The following PAMR1 variants were observed in gnomAD, a reference collection of about 807,000 sequenced individuals.
PAMR1 encodes peptidase domain containing associated with muscle regeneration 1.
Under a neutral mutation model 81.8 loss-of-function variants are expected in PAMR1, and 88 were observed. The ratio of observed to expected loss-of-function variants is 1.08; its 90% CI spans 0.91 to 1.28. The LOEUF (loss-of-function observed/expected upper bound fraction) is 1.28. Ranked by LOEUF, PAMR1 falls within the 50% of genes most tolerant of loss-of-function variation. The pLI, the probability that PAMR1 is intolerant of heterozygous loss-of-function variation, is 0.00. For missense variants in PAMR1, 935 were observed against 919.7 expected (o/e 1.02, Z -0.21); for synonymous variants, 336 against 345.3 (o/e 0.97, Z 0.30).
chr11:35,450,456 G>C (rs1856391223), intron 6 of PAMR1, among the ~76,000 whole-genome samples: 1 of 152,110 alleles, frequency 6.6e-6, no homozygotes, highest in Non-Finnish European at 1.5e-5. Context: ...AAGGGTAATG[G>C]GTTTCTTAAT....
At chr11:35,474,533 A>T in intron 4 of PAMR1, 97 bp downstream of exon 4, 2 of 681,510 alleles carry the variant, frequency 2.9e-6, no homozygotes, top group Non-Finnish European at 5.0e-6. Context: ...GCTCCAATAT[A>T]CAAAGGCTCC....
chr11:35,499,763 A>G (rs2256404), intron 1 of PAMR1, among the ~76,000 whole-genome samples: 111,123 of 152,172 alleles, frequency 0.73, 41,903 homozygotes, highest in East Asian at 0.98. Flanking sequence ...TTACTTCATT[A>G]TTATTTACTT....
intron 6 of PAMR1, among the ~76,000 whole-genome samples, chr11:35,460,400 T>C (rs963115549): frequency 6.6e-6 from 1 of 152,070 alleles, no homozygotes; most frequent in Admixed American, 6.6e-5. Context: ...TATGTATACA[T>C]GTGCCATGTT....
At chr11:35,467,907 A>T in intron 6 of PAMR1, 94 bp downstream of exon 6, 1 of 719,702 alleles carries the variant, frequency 1.4e-6, no homozygotes, top group Non-Finnish European at 2.4e-6. Flanking sequence ...AGAGCATCCT[A>T]GACATGAAGA....
chr11:35,468,697 C>G (rs1180869887), intron 5 of PAMR1, among the ~76,000 whole-genome samples: 1 of 152,186 alleles, frequency 6.6e-6, no homozygotes, highest in Non-Finnish European at 1.5e-5. Context: ...TACTGCAGAA[C>G]TTCTCAGTTC....
At chr11:35,440,557 C>G (rs985864878) in intron 7 of PAMR1, among the ~76,000 whole-genome samples, 5 of 152,144 alleles carry the variant, frequency 3.3e-5, no homozygotes, top group African/African-American at 4.8e-5. Flanking sequence ...TAATCTAGGA[C>G]AAGGACATGT....
intron 1 of PAMR1, among the ~76,000 whole-genome samples, chr11:35,504,498 A>T (rs919715995): frequency 1.3e-5 from 2 of 152,118 alleles, no homozygotes; most frequent in African/African-American, 4.8e-5. Flanking sequence ...CAGTGAAGCC[A>T]TCAGATGGTC....
At position 35,494,214 on chromosome 11, in the gene PAMR1, C is replaced by T. The variant is rs1305154714; in HGVS notation, c.132G>A (p.Glu44=). The T allele has an allele frequency of 3.1e-6, 5 of 1,614,044 alleles. No homozygotes were observed. Among genetic ancestry groups the T allele is most frequent in the East Asian group, 4.5e-5 (2 of 44,906 alleles). ...ACTCAATCTGATCATATTCACAGCACTCCCGACACATGATATTCCACTCTG... is the reference window on the plus strand; with the variant it reads ...ACTCAATCTGATCATATTCACAGCATTCCCGACACATGATATTCCACTCTG... ...PGAEWNIMCR[E]CCEYDQIECV... The change falls in exon 2 of 11, where the codon GAG becomes GAA. Residue 44 remains glutamate, a synonymous_variant. Coordinates refer to ENST00000619888, the MANE Select transcript of PAMR1 (RefSeq NM_001001991.3).
At chr11:35,503,122 C>G (rs1020980505) in intron 1 of PAMR1, among the ~76,000 whole-genome samples, 1 of 151,994 alleles carries the variant, frequency 6.6e-6, no homozygotes. Context: ...GTTCTTGGTA[C>G]CTTTGTCAAA....
At chr11:35,449,986 A>G (rs982877102) in intron 6 of PAMR1, among the ~76,000 whole-genome samples, 2 of 150,628 alleles carry the variant, frequency 1.3e-5, no homozygotes, top group Non-Finnish European at 3.0e-5. Flanking sequence ...TTCACTTGCC[A>G]TTTTCATTTT....
At chr11:35,452,013 G>A (rs879776909) in intron 6 of PAMR1, 6 of 528,066 alleles carry the variant, frequency 1.1e-5, no homozygotes, top group Non-Finnish European at 1.7e-5. Context: ...AACTGACTAA[G>A]ACAGAAGGCA....
intron 3 of PAMR1, among the ~76,000 whole-genome samples, chr11:35,479,627 C>T (rs1020599545): frequency 9.2e-5 from 14 of 152,170 alleles, no homozygotes; most frequent in Admixed American, 7.2e-4. Flanking sequence ...GGCTAGAACC[C>T]TAAACCCAAC....
At chr11:35,527,131 C>T (rs146067837), upstream of PAMR1, among the ~76,000 whole-genome samples, 57 of 152,286 alleles carry the variant, frequency 3.7e-4, 1 homozygote, top group Middle Eastern at 6.8e-3. Flanking sequence ...AATTTCTGAA[C>T]TCCAGCCCTG....
chr11:35,509,143 G>A (rs7106280), intron 1 of PAMR1, among the ~76,000 whole-genome samples: 45 of 152,194 alleles, frequency 3.0e-4, no homozygotes, highest in African/African-American at 9.2e-4. Flanking sequence ...TTGTAACTTT[G>A]TTCCTTCCCC....
intron 1 of PAMR1, among the ~76,000 whole-genome samples, chr11:35,508,200 A>T (rs1851007488): frequency 1.3e-5 from 2 of 152,194 alleles, no homozygotes. Flanking sequence ...AGAACCCAAG[A>T]TGGTGGGGAA....
At chr11:35,443,168 A>C (rs935422142) in intron 6 of PAMR1, among the ~76,000 whole-genome samples, 1 of 148,822 alleles carries the variant, frequency 6.7e-6, no homozygotes, top group Admixed American at 6.9e-5. Context: ...GTCTCTGTGC[A>C]ATGCAACTGT....
chr11:35,438,886 G>A (rs1856105578), intron 8 of PAMR1, among the ~76,000 whole-genome samples: 1 of 152,120 alleles, frequency 6.6e-6, no homozygotes, highest in African/African-American at 2.4e-5. Context: ...TCTCTGTTAG[G>A]CAAAAACTGA....
intron 1 of PAMR1, among the ~76,000 whole-genome samples, chr11:35,495,979 T>C (rs1016450842): frequency 6.6e-6 from 1 of 152,244 alleles, no homozygotes; most frequent in Non-Finnish European, 1.5e-5. Context: ...TGTTTGGGAA[T>C]GAATGGCTAC....
chr11:35,491,106 C>G (rs1312099364), intron 3 of PAMR1, among the ~76,000 whole-genome samples: 1 of 152,136 alleles, frequency 6.6e-6, no homozygotes, highest in Non-Finnish European at 1.5e-5. Flanking sequence ...CAACGAAGAC[C>G]AACACTTAAA....
Sources: gnomAD v4.1 joint callset for allele counts (sites outside exome capture counted in the v4.1 genomes callset) on GRCh38, gnomAD v4.1.1 for gene constraint, MANE v1.5 for transcripts, NCBI Gene and HGNC (gene_info 2026-07-23, HGNC 2026-07-21) for gene names.